Variants in CMSS1 observed in about 807,000 individuals in gnomAD.
CMSS1 encodes the protein protein CMSS1.
In CMSS1, 33 loss-of-function variants were observed where a neutral mutation model predicts 43.5. The ratio of observed to expected loss-of-function variants is 0.76; its 90% CI spans 0.57 to 1.01. The LOEUF (loss-of-function observed/expected upper bound fraction) is 1.01, where lower values mean the gene tolerates loss of function less well. Among genes scored for constraint, CMSS1 ranks in the 50% least tolerant of loss-of-function variants. The pLI, the probability that CMSS1 is intolerant of heterozygous loss-of-function variation, is 0.00. For synonymous variants in CMSS1, 115 were observed against 117.2 expected (o/e 0.98, Z 0.12); for missense variants, 313 against 326.4 (o/e 0.96, Z 0.32).
At chr3:99,902,334 C>T (rs1706463889) in intron 1 of CMSS1, among the ~76,000 whole-genome samples, 1 of 152,136 alleles carries the variant, frequency 6.6e-6, no homozygotes, top group African/African-American at 2.4e-5. Flanking sequence ...GAATAGATAT[C>T]TGTTGAATTG....
intron 1 of CMSS1, among the ~76,000 whole-genome samples, chr3:100,021,740 C>G (rs1219350640): frequency 6.6e-6 from 1 of 152,140 alleles, no homozygotes; most frequent in African/African-American, 2.4e-5. Context: ...AAGGGAACCT[C>G]CCCTTCCTCA....
At chr3:99,975,161 C>T (rs922501794) in intron 1 of CMSS1, among the ~76,000 whole-genome samples, 14 of 152,198 alleles carry the variant, frequency 9.2e-5, no homozygotes, top group African/African-American at 2.4e-4. Flanking sequence ...TGTTCCTCCC[C>T]GCTCCAATCT....
intron 1 of CMSS1, among the ~76,000 whole-genome samples, chr3:100,043,194 C>A (rs2065232103): frequency 6.6e-6 from 1 of 152,186 alleles, no homozygotes; most frequent in African/African-American, 2.4e-5. Context: ...TCAGGCATAT[C>A]CAGTATTTCA....
Position 99,993,430 on chromosome 3 carries a change from A to C in CMSS1, c.65-153543A>C, listed in dbSNP as rs561400692. 3.3e-5 allele frequency among the ~76,000 whole-genome samples: 5 copies of C among 152,086 alleles called. No individual in the cohort carries two copies. The East Asian group carries it at 7.7e-4, about 24-fold the overall frequency. On this transcript the variant is annotated intron_variant, in intron 1 of 9. Coordinates refer to ENST00000421999, the MANE Select transcript of CMSS1 (RefSeq NM_032359.4). Reference sequence around the variant, plus strand: ...AGATCATATCAGCAGCTAACAGGAAAAATTTGTCTTCCTCTTTTCCAATTT... The same window carrying C: ...AGATCATATCAGCAGCTAACAGGAACAATTTGTCTTCCTCTTTTCCAATTT...
chr3:99,872,269 CTGTGTGTGTGTGTGTGTGTG>C (rs55727823), intron 1 of CMSS1, among the ~76,000 whole-genome samples: 13 of 110,822 alleles, frequency 1.2e-4, no homozygotes, highest in East Asian at 6.4e-4. Flanking sequence ...TGTGCCAGGA[CTGTGTGTGTGTGTGTGTGTG>C]TGTGTGTGTG....
At chr3:99,883,264 G>T (rs139705355) in intron 1 of CMSS1, among the ~76,000 whole-genome samples, 1 of 152,280 alleles carries the variant, frequency 6.6e-6, no homozygotes, top group African/African-American at 2.4e-5. Flanking sequence ...AGAACTGGCT[G>T]CTTCTAACTT....
intron 1 of CMSS1, among the ~76,000 whole-genome samples, chr3:99,853,220 T>G (rs558354116): frequency 9.1e-4 from 139 of 152,368 alleles, no homozygotes; most frequent in African/African-American, 3.1e-3. Context: ...GGCAAAGTGC[T>G]TCTTTCTCCT....
chr3:99,827,400 C>T (rs1942555498), intron 1 of CMSS1, among the ~76,000 whole-genome samples: 1 of 152,068 alleles, frequency 6.6e-6, no homozygotes, highest in African/African-American at 2.4e-5. Context: ...CCATGTTGAC[C>T]AGACTGGCCT....
At chr3:99,826,202 G>A (rs1302586401) in intron 1 of CMSS1, among the ~76,000 whole-genome samples, 2 of 152,092 alleles carry the variant, frequency 1.3e-5, no homozygotes, top group African/African-American at 2.4e-5. Context: ...ATTTTTATCA[G>A]CTTTCATAGA....
chr3:99,934,051 C>T (rs913651526), intron 1 of CMSS1, among the ~76,000 whole-genome samples: 5 of 152,280 alleles, frequency 3.3e-5, no homozygotes, highest in Non-Finnish European at 5.9e-5. Flanking sequence ...GAGCCTCAGC[C>T]GGGTCATCTC....
intron 1 of CMSS1, among the ~76,000 whole-genome samples, chr3:99,862,994 T>G (rs1044884944): frequency 6.6e-6 from 1 of 152,208 alleles, no homozygotes; most frequent in Non-Finnish European, 1.5e-5. Flanking sequence ...ATTTTTTGGA[T>G]GTGAATGTGT....
At chr3:100,117,848 T>TATACAC (rs1553715629) in intron 1 of CMSS1, among the ~76,000 whole-genome samples, 1 of 91,508 alleles carries the variant, frequency 1.1e-5, no homozygotes, top group East Asian at 2.7e-4. Context: ...TATATATATA[T>TATACAC]ATATACATAT....
intron 1 of CMSS1, among the ~76,000 whole-genome samples, chr3:100,021,677 A>G (rs1306214614): frequency 6.6e-6 from 1 of 152,142 alleles, no homozygotes; most frequent in Admixed American, 6.6e-5. Flanking sequence ...TTGGTTGCTT[A>G]TATTTTTAAA....
At chr3:99,922,490 A>G (rs974363407) in intron 1 of CMSS1, among the ~76,000 whole-genome samples, 6 of 152,202 alleles carry the variant, frequency 3.9e-5, no homozygotes, top group Admixed American at 3.3e-4. Flanking sequence ...TAGAGTGAAT[A>G]TAAGTGCCAT....
At position 99,975,142 on chromosome 3, in the gene CMSS1, A is replaced by G. The variant is rs551856319; in HGVS notation, c.64+157099A>G. ...TTCACCTAGCAGGCATTCAACTTCC[A>G]CCTGCTTCTGTTCCTCCCCGCTCCA... On this transcript the variant is annotated intron_variant, in intron 1 of 9. Transcript: ENST00000421999. Among the ~76,000 whole-genome samples, 64 of 152,212 alleles carry G rather than the reference A, an allele frequency of 4.2e-4. 1 individual carries two copies. The Middle Eastern group carries it at 0.01, about 24-fold the overall frequency.
At chr3:100,155,071 C>T (rs2066958966) in intron 2 of CMSS1, among the ~76,000 whole-genome samples, 2 of 152,196 alleles carry the variant, frequency 1.3e-5, no homozygotes, top group South Asian at 4.1e-4. Flanking sequence ...TTACTTTCTG[C>T]CTTACAGTTT....
chr3:99,859,270 A>T (rs793446), intron 1 of CMSS1, among the ~76,000 whole-genome samples: 84,658 of 151,982 alleles, frequency 0.56, 24,049 homozygotes, highest in East Asian at 0.72. Flanking sequence ...GCTATTTGTC[A>T]GTTCTTTTTT....
At chr3:99,863,324 C>T (rs1944352541) in intron 1 of CMSS1, among the ~76,000 whole-genome samples, 1 of 152,174 alleles carries the variant, frequency 6.6e-6, no homozygotes, top group African/African-American at 2.4e-5. Context: ...CGCTGCTCAC[C>T]TCCTGCTATG....
chr3:100,167,702 A>C, intron 5 of CMSS1, 36 bp from the exon 6 acceptor site: 1 of 1,447,668 alleles, frequency 6.9e-7, no homozygotes, highest in Non-Finnish European at 9.6e-7. Flanking sequence ...CTGTTTTGCC[A>C]TATTTCAAAT....
Sources: allele counts gnomAD v4.1 joint callset (sites outside exome capture counted in the v4.1 genomes callset), GRCh38; gene constraint gnomAD v4.1.1; transcripts MANE v1.5; gene names NCBI Gene and HGNC (gene_info 2026-07-23, HGNC 2026-07-21).